The following ROBO2 variants were observed in gnomAD, a reference collection of about 807,000 sequenced individuals.
ROBO2 encodes the protein roundabout homolog 2.
In ROBO2, 53 loss-of-function variants were observed where a neutral mutation model predicts 160.8. That is an observed-to-expected ratio of 0.33 (90% CI 0.26 to 0.41). The LOEUF (loss-of-function observed/expected upper bound fraction) is 0.41. Among genes scored for constraint, ROBO2 ranks in the 10% least tolerant of loss-of-function variants. The pLI, the probability that ROBO2 is intolerant of heterozygous loss-of-function variation, is 1.00. For synonymous variants in ROBO2, 664 were observed against 611.7 expected, an observed-to-expected ratio of 1.09 and a Z score of -1.26; for missense variants, 1,577 against 1,722.4, an observed-to-expected ratio of 0.92 and a Z score of 1.49.
At chr3:77,065,429 A>AT (rs1171574224) in intron 1 of ROBO2, among the ~76,000 whole-genome samples, 1 of 152,100 alleles carries the variant, frequency 6.6e-6, no homozygotes, top group Non-Finnish European at 1.5e-5. Flanking sequence ...TTCTCTTTGT[A>AT]TTTTTTGTAT....
At chr3:76,083,837 T>C (rs894983881) in intron 2 of ROBO2, among the ~76,000 whole-genome samples, 3 of 152,164 alleles carry the variant, frequency 2.0e-5, no homozygotes, top group East Asian at 1.9e-4. Context: ...TCTAAATTGG[T>C]CACCAAAATT....
chr3:76,797,256 AC>A (rs2063771091), intron 2 of ROBO2, among the ~76,000 whole-genome samples: 1 of 152,150 alleles, frequency 6.6e-6, no homozygotes, highest in African/African-American at 2.4e-5. Flanking sequence ...TTCTTCTCTG[AC>A]CACAATGGAA....
At chr3:76,019,382 T>C (rs1296717679) in intron 2 of ROBO2, among the ~76,000 whole-genome samples, 1 of 151,732 alleles carries the variant, frequency 6.6e-6, no homozygotes, top group African/African-American at 2.4e-5. Context: ...CGTGCGTATC[T>C]GAGAATACTG....
intron 2 of ROBO2, among the ~76,000 whole-genome samples, chr3:76,670,321 G>GC: frequency 6.9e-6 from 1 of 145,900 alleles, no homozygotes; most frequent in Non-Finnish European, 1.5e-5. Flanking sequence ...CCTGTAGTAG[G>GC]TTTTTTTTTT....
intron 2 of ROBO2, among the ~76,000 whole-genome samples, chr3:76,956,677 A>C (rs939415464): frequency 1.1e-4 from 16 of 151,754 alleles, no homozygotes; most frequent in South Asian, 2.1e-4. Context: ...GACATGGCAG[A>C]GAGAGAGAGA....
chr3:77,324,658 T>C (rs1024466535), intron 2 of ROBO2, among the ~76,000 whole-genome samples: 1 of 121,208 alleles, frequency 8.3e-6, no homozygotes, highest in Non-Finnish European at 1.6e-5. Flanking sequence ...TGAGCGCCTG[T>C]AGTCCCCCAG....
At chr3:76,420,106 A>T (rs1326517460) in intron 2 of ROBO2, among the ~76,000 whole-genome samples, 1 of 152,164 alleles carries the variant, frequency 6.6e-6, no homozygotes. Context: ...GGAGGCAATA[A>T]CTATAAATGA....
At chr3:76,698,172 T>C (rs2597253) in intron 2 of ROBO2, among the ~76,000 whole-genome samples, 46,780 of 138,852 alleles carry the variant, frequency 0.34, 8,781 homozygotes, top group East Asian at 0.55. Context: ...TGTTTGGCAT[T>C]GCAATATGGA....
chr3:76,490,631 A>C (rs1246831413), intron 2 of ROBO2, among the ~76,000 whole-genome samples: 1 of 152,194 alleles, frequency 6.6e-6, no homozygotes, highest in East Asian at 1.9e-4. Context: ...AAAATTGTTC[A>C]TGGAAAAAGG....
chr3:76,893,322 A>C (rs2074502465), intron 2 of ROBO2, among the ~76,000 whole-genome samples: 1 of 151,810 alleles, frequency 6.6e-6, no homozygotes, highest in African/African-American at 2.4e-5. Context: ...ACACACACAC[A>C]CACACACGCA....
In ROBO2 at chr3:76,146,697, G is replaced by GGTGTGT. The variant is rs139527329; in HGVS notation, c.109+209120_109+209125dup. 6.4e-3 allele frequency among the ~76,000 whole-genome samples: 877 copies of GGTGTGT among 136,486 alleles called. 9 individuals carry two copies. Among genetic ancestry groups the GGTGTGT allele is most frequent in the African/African-American group, 0.021 (799 of 37,352 alleles). The allele number at this position is 136,486 out of a possible 152,430, so 89.5% of individuals were successfully genotyped here. A position where few individuals can be genotyped will look rare whatever the true frequency, so the allele number is the denominator to read the frequency against. ...CACTTAAAAGCATGGGATTACATAGGGTGTGTGTGTGTGTGTGTGTGTGTG... is the reference window on the plus strand; with the variant it reads ...CACTTAAAAGCATGGGATTACATAGGGTGTGTGTGTGTGTGTGTGTGTGTGTGTGTG... On this transcript the variant is annotated intron_variant, in intron 2 of 26. Transcript: ENST00000487694.
At position 77,361,915 on chromosome 3, in the gene ROBO2, T is replaced by C. The variant is rs187158178; in HGVS notation, c.389-115499T>C. Among the ~76,000 whole-genome samples, 337 of 152,312 alleles carry C rather than the reference T, an allele frequency of 2.2e-3. 1 individual carries two copies. Among genetic ancestry groups the C allele is most frequent in the Admixed American group, 6.7e-3 (103 of 15,290 alleles). ...TTGATTCATTAATTCATTTTACAAA[T>C]GTTCACCGAATGCCTAAAATGTCAG... On this transcript the variant is annotated intron_variant, in intron 2 of 25. Transcript: ENST00000461745.
chr3:77,519,987 A>G (rs887849840), intron 5 of ROBO2, among the ~76,000 whole-genome samples: 2 of 151,370 alleles, frequency 1.3e-5, no homozygotes, highest in African/African-American at 4.8e-5. Flanking sequence ...CTGGTGTGAG[A>G]TGGTATCTCA....
chr3:76,946,994 C>T (rs1055687286), intron 2 of ROBO2, among the ~76,000 whole-genome samples: 1 of 152,124 alleles, frequency 6.6e-6, no homozygotes, highest in Admixed American at 6.5e-5. Flanking sequence ...TTTAGTCTAA[C>T]GTTTTAATTG....
chr3:77,194,631 T>C (rs150081806), intron 2 of ROBO2, among the ~76,000 whole-genome samples: 24 of 152,314 alleles, frequency 1.6e-4, no homozygotes, highest in African/African-American at 5.8e-4. Flanking sequence ...TAAATCTCTT[T>C]TTACCAATTT....
intron 2 of ROBO2, among the ~76,000 whole-genome samples, chr3:76,598,048 C>A (rs541828252): frequency 3.3e-5 from 5 of 151,756 alleles, no homozygotes; most frequent in African/African-American, 1.2e-4. Flanking sequence ...AATGATGGAA[C>A]AACTGCTGTA....
intron 2 of ROBO2, among the ~76,000 whole-genome samples, chr3:77,098,576 G>A (rs1332813313): frequency 1.3e-5 from 2 of 152,082 alleles, no homozygotes; most frequent in Admixed American, 1.3e-4. Flanking sequence ...GGCCGGGCGC[G>A]GTGGCTCACG....
chr3:76,572,871 G>A (rs2108618181), intron 2 of ROBO2, among the ~76,000 whole-genome samples: 1 of 152,216 alleles, frequency 6.6e-6, no homozygotes, highest in Non-Finnish European at 1.5e-5. Context: ...ACTGAACTGG[G>A]TTATTCCTTA....
At chr3:75,935,632 C>A (rs78958867) in intron 1 of ROBO2, among the ~76,000 whole-genome samples, 1 of 152,106 alleles carries the variant, frequency 6.6e-6, no homozygotes. Context: ...TTGGGAAAGG[C>A]TGTTGATTTT....
Sources: allele counts gnomAD v4.1 joint callset (sites outside exome capture counted in the v4.1 genomes callset), GRCh38; gene constraint gnomAD v4.1.1; transcripts MANE v1.5; gene names NCBI Gene and HGNC (gene_info 2026-07-23, HGNC 2026-07-21).